NRP2: variants seen among roughly 807,000 people sequenced by gnomAD.
NRP2 encodes neuropilin 2.
A neutral mutation model predicts 110.4 loss-of-function variants in NRP2; 52 were observed. That is an observed-to-expected ratio of 0.47 (90% CI 0.38 to 0.59). The LOEUF (loss-of-function observed/expected upper bound fraction) is 0.59. Ranked by LOEUF, NRP2 falls within the 20% of genes least tolerant of loss-of-function variation. The pLI is 0.00. For missense variants in NRP2, 1,049 were observed against 1,203.0 expected (o/e 0.87, Z 1.89); for synonymous variants, 508 against 468.9 (o/e 1.08, Z -1.08).
Position 205,690,781 on chromosome 2 carries a change from A to AAAAAT in NRP2, c.74-6742_74-6738dup, listed in dbSNP as rs969350217. Among the ~76,000 whole-genome samples, 663 of 152,240 alleles carry AAAAAT rather than the reference A, an allele frequency of 4.4e-3. 6 individuals are homozygous for AAAAAT. The highest frequency in any genetic ancestry group is 0.014 in the African/African-American group (600 of 41,528). On this transcript the variant is annotated intron_variant, in intron 1 of 16. Transcript: ENST00000357785. ...GGTGACAGAGTGAGACTCTGTCTCA[A>AAAAAT]AAAATAAAATAAAATAAAATAAAAT...
At chr2:205,750,933 G>T (rs1335620983) in intron 11 of NRP2, among the ~76,000 whole-genome samples, 1 of 152,280 alleles carries the variant, frequency 6.6e-6, no homozygotes, top group Admixed American at 6.5e-5. Context: ...TTATGTGACT[G>T]AAAAAGCAAT....
intron 2 of NRP2, among the ~76,000 whole-genome samples, chr2:205,712,855 A>T (rs1394421994): frequency 6.6e-6 from 1 of 152,206 alleles, no homozygotes; most frequent in Non-Finnish European, 1.5e-5. Context: ...AGAAAAATCT[A>T]GTTTTTCTAA....
At chr2:205,764,026 T>G in intron 13 of NRP2, 90 bp downstream of exon 13, 1 of 1,499,156 alleles carries the variant, frequency 6.7e-7, no homozygotes, top group Non-Finnish European at 9.1e-7. Flanking sequence ...GGTTAAGCGC[T>G]ACTGTTTTCA....
intron 8 of NRP2, among the ~76,000 whole-genome samples, chr2:205,742,001 C>G (rs935112316): frequency 1.3e-5 from 2 of 152,194 alleles, no homozygotes; most frequent in African/African-American, 4.8e-5. Context: ...CACAAAGACC[C>G]ATTTTCTTCT....
intron 7 of NRP2, among the ~76,000 whole-genome samples, chr2:205,732,902 G>A (rs948196536): frequency 6.6e-6 from 1 of 152,114 alleles, no homozygotes; most frequent in Non-Finnish European, 1.5e-5. Context: ...CCTGGCAGAT[G>A]ATGGGCTTCC....
chr2:205,774,449 G>C (rs1369536162), intron 15 of NRP2, among the ~76,000 whole-genome samples: 4 of 152,182 alleles, frequency 2.6e-5, no homozygotes. Flanking sequence ...GGATTCTGGG[G>C]TCATTTCTAC....
chr2:205,696,562 C>T lies in NRP2; in HGVS notation c.74-982C>T, dbSNP rs113211923. 3.6e-3 allele frequency among the ~76,000 whole-genome samples: 546 copies of T among 152,320 alleles called. 5 individuals carry two copies. Among genetic ancestry groups the T allele is most frequent in the South Asian group, 6.0e-3 (29 of 4,826 alleles). On this transcript the variant is annotated intron_variant, in intron 1 of 16. Coordinates refer to ENST00000357785, the MANE Select transcript of NRP2 (RefSeq NM_003872.3). Reference sequence around the variant, plus strand: ...GCTGGGGATTGCAGAACTTTACTCCCGAATAGATGAGATTCCTCAAATGTC... The same window carrying T: ...GCTGGGGATTGCAGAACTTTACTCCTGAATAGATGAGATTCCTCAAATGTC...
intron 10 of NRP2, among the ~76,000 whole-genome samples, chr2:205,746,257 G>T (rs1206750479): frequency 2.0e-5 from 3 of 152,216 alleles, no homozygotes; most frequent in Non-Finnish European, 4.4e-5. Context: ...AAAGTAATCG[G>T]TTTATGTCTG....
chr2:205,718,145 C>A (rs1387774544), intron 3 of NRP2, among the ~76,000 whole-genome samples: 1 of 152,132 alleles, frequency 6.6e-6, no homozygotes, highest in Non-Finnish European at 1.5e-5. Flanking sequence ...TTCCAGGAAG[C>A]TGGCCAAGGG....
At position 205,728,042 on chromosome 2, in the gene NRP2, A is replaced by G. The variant is rs1490906980; in HGVS notation, c.1142A>G (p.His381Arg). 1.9e-6 allele frequency: 3 copies of G among 1,614,060 alleles called. No homozygotes were observed. The highest frequency in any genetic ancestry group is 2.5e-6 in the Non-Finnish European group (3 of 1,180,038). The change falls in exon 7 of 17, where the codon CAC becomes CGC. Residue 381 changes from histidine to arginine, a missense_variant. Coordinates refer to ENST00000357785, the MANE Select transcript of NRP2 (RefSeq NM_003872.3). ...ATGGTGTACCGGCATGGCAAAAACC[A>G]CAAGGTAAATCCATGATCCTACCTT... ...DWMVYRHGKN[H>R]KVFQANNDAT... is the part of the protein sequence containing the mutation.
At position 205,794,974 on chromosome 2, in the gene NRP2, A is replaced by G; in HGVS notation, c.2697A>G (p.Thr899=). 1 of 1,614,120 alleles carries G rather than the reference A, an allele frequency of 6.2e-7. No homozygotes were observed. The highest frequency in any genetic ancestry group is 8.5e-7 in the Non-Finnish European group (1 of 1,180,022). Reference sequence around the variant, plus strand: ...GCCTGAGCTCCCGAAGCTGCACCACACTGGAGAACTACAACTTCGAGCTCT... The same window carrying G: ...GCCTGAGCTCCCGAAGCTGCACCACGCTGGAGAACTACAACTTCGAGCTCT... ...YSGLSSRSCT[T]LENYNFELYD... The change falls in exon 17 of 17, where the codon ACA becomes ACG. Residue 899 remains threonine, a synonymous_variant. Transcript: ENST00000357785.
chr2:205,702,500 G>A (rs748571676), intron 2 of NRP2, among the ~76,000 whole-genome samples: 20 of 152,252 alleles, frequency 1.3e-4, no homozygotes, highest in East Asian at 7.7e-4. Flanking sequence ...CCCCCACACC[G>A]TTATATTCTG....
At chr2:205,780,495 A>G (rs2058161807) in intron 15 of NRP2, among the ~76,000 whole-genome samples, 1 of 152,084 alleles carries the variant, frequency 6.6e-6, no homozygotes, top group South Asian at 2.1e-4. Flanking sequence ...CAGGTGGGGG[A>G]AAATCTAGGA....
At position 205,795,278 on chromosome 2, in the gene NRP2, G is replaced by A. The variant is rs1464637366; in HGVS notation, c.*220G>A. The A allele has an allele frequency of 5.4e-6, 3 of 556,020 alleles. No homozygotes were observed. The highest frequency in any genetic ancestry group is 9.8e-6 in the Non-Finnish European group (3 of 305,560). 34.4% of individuals were successfully genotyped at this position (556,020 alleles called of 1,614,324 possible). On this transcript the variant is annotated 3_prime_UTR_variant, in exon 17 of 17. Transcript: ENST00000357785. ...CTAGGACCGCGGTGGCTAAGTCATT[G>A]CAGGAACGGGGCTGTGTTCTCTGCT...
chr2:205,691,057 C>A (rs970441872), intron 1 of NRP2, among the ~76,000 whole-genome samples: 4 of 152,130 alleles, frequency 2.6e-5, no homozygotes, highest in African/African-American at 9.7e-5. Flanking sequence ...CTAGTGATAC[C>A]TTTGATGTTC....
intron 13 of NRP2, 94 bp from the exon 14 acceptor site, chr2:205,765,380 G>A (rs1044896230): frequency 1.1e-5 from 11 of 989,316 alleles, no homozygotes; most frequent in East Asian, 2.4e-5. Context: ...ACACACACAC[G>A]CTTTAAGCTG....
Position 205,683,271 on chromosome 2 carries a change from A to C in NRP2, c.-20A>C. ...AAGAAACCTACGAACCCAGCTCTGGAAAGAGCCACCTTCTCCAAAATGGAT... is the reference window on the plus strand; with the variant it reads ...AAGAAACCTACGAACCCAGCTCTGGCAAGAGCCACCTTCTCCAAAATGGAT... On this transcript the variant is annotated 5_prime_UTR_variant, in exon 1 of 17. Transcript: ENST00000357785. 1 of 1,597,994 alleles carries C rather than the reference A, an allele frequency of 6.3e-7. No homozygotes were observed. The highest frequency in any genetic ancestry group is 1.1e-5 in the South Asian group (1 of 90,412).
intron 1 of NRP2, among the ~76,000 whole-genome samples, chr2:205,687,449 G>A (rs1230381041): frequency 6.6e-6 from 1 of 152,154 alleles, no homozygotes; most frequent in Non-Finnish European, 1.5e-5. Context: ...TTTTTCCCCC[G>A]TGATCAGCTC....
At chr2:205,692,915 A>G (rs889443811) in intron 1 of NRP2, among the ~76,000 whole-genome samples, 1 of 152,194 alleles carries the variant, frequency 6.6e-6, no homozygotes, top group Non-Finnish European at 1.5e-5. Context: ...AGATGAGAAA[A>G]CAAAGGCTCA....
Sources: allele counts gnomAD v4.1 joint callset (sites outside exome capture counted in the v4.1 genomes callset), GRCh38; gene constraint gnomAD v4.1.1; transcripts MANE v1.5; gene names NCBI Gene and HGNC (gene_info 2026-07-23, HGNC 2026-07-21).